Variants in DAPK1 observed in about 807,000 individuals in gnomAD.
DAPK1 encodes death-associated protein kinase 1.
In DAPK1, 56 loss-of-function variants were observed where a neutral mutation model predicts 144.9. The ratio of observed to expected loss-of-function variants is 0.39; its 90% CI spans 0.31 to 0.48. The LOEUF (loss-of-function observed/expected upper bound fraction) is 0.48, where lower values mean the gene tolerates loss of function less well. Ranked by LOEUF, DAPK1 falls within the 20% of genes least tolerant of loss-of-function variation. The pLI is 0.95. For synonymous variants in DAPK1, 690 were observed against 749.0 expected, an observed-to-expected ratio of 0.92 and a Z score of 1.29; for missense variants, 1,454 against 1,875.4, an observed-to-expected ratio of 0.78 and a Z score of 4.15.
chr9:87,582,794 C>A (rs1406520380), intron 2 of DAPK1, among the ~76,000 whole-genome samples: 1 of 151,934 alleles, frequency 6.6e-6, no homozygotes, highest in African/African-American at 2.4e-5. Context: ...ACCTCGTGAT[C>A]CCCCCACCTC....
At chr9:87,504,994 T>C (rs563492249) in intron 2 of DAPK1, among the ~76,000 whole-genome samples, 1 of 152,224 alleles carries the variant, frequency 6.6e-6, no homozygotes, top group South Asian at 2.1e-4. Flanking sequence ...GAGGGCTGAC[T>C]GTAGTTGTAT....
intron 3 of DAPK1, among the ~76,000 whole-genome samples, chr9:87,621,441 C>G (rs1170099009): frequency 3.9e-5 from 6 of 152,238 alleles, no homozygotes; most frequent in Non-Finnish European, 5.9e-5. Flanking sequence ...AGATTTCCTC[C>G]ATTCCTGTAG....
At chr9:87,620,686 G>GGGA (rs373542999) in intron 3 of DAPK1, among the ~76,000 whole-genome samples, 160 of 151,624 alleles carry the variant, frequency 1.1e-3, no homozygotes, top group African/African-American at 3.2e-3. Flanking sequence ...GAAGAGGACA[G>GGGA]GGAGGAGGAG....
At chr9:87,642,479 G>A (rs557643627) in intron 10 of DAPK1, among the ~76,000 whole-genome samples, 1 of 152,246 alleles carries the variant, frequency 6.6e-6, no homozygotes, top group South Asian at 2.1e-4. Context: ...GAGTGGGGGT[G>A]GGGTGGGGCC....
At chr9:87,580,634 T>TATATC (rs1455251139) in intron 2 of DAPK1, among the ~76,000 whole-genome samples, 4 of 152,194 alleles carry the variant, frequency 2.6e-5, no homozygotes, top group Middle Eastern at 3.2e-3. Context: ...TATACAAGAT[T>TATATC]ATATCTACAG....
chr9:87,524,989 A>C (rs4878086), intron 2 of DAPK1, among the ~76,000 whole-genome samples: 43,713 of 152,004 alleles, frequency 0.29, 6,555 homozygotes, highest in South Asian at 0.42. Flanking sequence ...ATCCCCACTA[A>C]AGAACTTGCT....
At position 87,707,923 on chromosome 9, in the gene DAPK1, A is replaced by G; in HGVS notation, c.*559A>G. On this transcript the variant is annotated 3_prime_UTR_variant, in exon 26 of 26. Coordinates refer to ENST00000408954, the MANE Select transcript of DAPK1 (RefSeq NM_004938.4). This position sits in a 1 kb window ranked among gnomAD's most constrained non-coding sequence, Gnocchi z 4.0. ...TTTTGCAGAAGAGGGTGTGTTTGAA[A>G]TCATCGGAGTCAGCCAGGAGCTGTC... 1 of 455,300 alleles carries G rather than the reference A, an allele frequency of 2.2e-6. No homozygotes were observed. The highest frequency in any genetic ancestry group is 4.4e-6 in the Non-Finnish European group (1 of 226,518). The allele number at this position is 455,300 out of a possible 1,614,324, so 28.2% of individuals were successfully genotyped here. A position where few individuals can be genotyped will look rare whatever the true frequency, so the allele number is the denominator to read the frequency against.
chr9:87,541,080 A>G (rs1288186888), intron 2 of DAPK1, among the ~76,000 whole-genome samples: 1 of 152,256 alleles, frequency 6.6e-6, no homozygotes, highest in Non-Finnish European at 1.5e-5. Context: ...GATTCTGTAC[A>G]CATTATCAAA....
chr9:87,518,127 T>C (rs1056750185), intron 2 of DAPK1, among the ~76,000 whole-genome samples: 10 of 140,934 alleles, frequency 7.1e-5, no homozygotes, highest in South Asian at 2.4e-4. Context: ...TTTTTTTTTT[T>C]CTGAGATGGA....
chr9:87,570,880 A>G (rs1278692349), intron 2 of DAPK1, among the ~76,000 whole-genome samples: 1 of 152,166 alleles, frequency 6.6e-6, no homozygotes, highest in Non-Finnish European at 1.5e-5. Flanking sequence ...TCATATGCTC[A>G]GTTTGCTTCC....
chr9:87,702,832 G>A (rs1452977475), intron 24 of DAPK1, among the ~76,000 whole-genome samples, 197 bp from the exon 25 acceptor site: 1 of 152,034 alleles, frequency 6.6e-6, no homozygotes, highest in Non-Finnish European at 1.5e-5. Context: ...TTGAGCCCAA[G>A]GGTTTGAGAC....
At chr9:87,699,817 G>C (rs919586826) in intron 23 of DAPK1, among the ~76,000 whole-genome samples, 1 of 152,128 alleles carries the variant, frequency 6.6e-6, no homozygotes, top group African/African-American at 2.4e-5. Flanking sequence ...CGAGCATTAG[G>C]CCTCACCTTT....
intron 23 of DAPK1, 136 bp from the exon 24 acceptor site, chr9:87,699,981 G>A (rs1236902686): frequency 4.4e-6 from 3 of 681,926 alleles, no homozygotes; most frequent in Non-Finnish European, 7.7e-6. Flanking sequence ...AGCAGGGATG[G>A]GGAGGGGCCT....
intron 2 of DAPK1, among the ~76,000 whole-genome samples, chr9:87,561,482 C>T: frequency 6.6e-6 from 1 of 151,916 alleles, no homozygotes. Flanking sequence ...GCCGAGATGG[C>T]ACCACTGCAC....
chr9:87,678,408 C>T (rs976891374), intron 19 of DAPK1, among the ~76,000 whole-genome samples: 1 of 152,222 alleles, frequency 6.6e-6, no homozygotes, highest in Non-Finnish European at 1.5e-5. Flanking sequence ...TGCACTCACG[C>T]ACAGGATCAC....
At chr9:87,538,524 T>A (rs971731466) in intron 2 of DAPK1, among the ~76,000 whole-genome samples, 4 of 152,214 alleles carry the variant, frequency 2.6e-5, no homozygotes, top group Non-Finnish European at 5.9e-5. Context: ...GGCCTTTAAC[T>A]GAAGTCCACT....
At chr9:87,577,988 C>T (rs576832767) in intron 2 of DAPK1, among the ~76,000 whole-genome samples, 11 of 152,088 alleles carry the variant, frequency 7.2e-5, no homozygotes, top group East Asian at 1.9e-4. Context: ...GGATGAGGCG[C>T]GAGAAGCTAC....
At chr9:87,567,057 A>G (rs1157713873) in intron 2 of DAPK1, among the ~76,000 whole-genome samples, 2 of 152,120 alleles carry the variant, frequency 1.3e-5, no homozygotes, top group African/African-American at 4.8e-5. Flanking sequence ...ATCTGAAGAT[A>G]TAGATGGACT....
intron 2 of DAPK1, among the ~76,000 whole-genome samples, chr9:87,520,622 G>C (rs1166817233): frequency 3.9e-5 from 6 of 152,100 alleles, no homozygotes; most frequent in Non-Finnish European, 8.8e-5. Flanking sequence ...TAGCCTATAT[G>C]GTTTCTTTTT....
Sources: allele counts gnomAD v4.1 joint callset (sites outside exome capture counted in the v4.1 genomes callset), GRCh38; gene constraint gnomAD v4.1.1; non-coding constraint Gnocchi (gnomAD v3.1); transcripts MANE v1.5; gene names NCBI Gene and HGNC (gene_info 2026-07-23, HGNC 2026-07-21).